CTNNA2: variants seen among roughly 807,000 people sequenced by gnomAD.
CTNNA2 encodes catenin alpha-2.
Under a neutral mutation model 101.0 loss-of-function variants are expected in CTNNA2, and 42 were observed. That is an observed-to-expected ratio of 0.42 (90% CI 0.32 to 0.54). CTNNA2 has a LOEUF of 0.54. Among genes scored for constraint, CTNNA2 ranks in the 20% least tolerant of loss-of-function variants. CTNNA2 has a pLI of 0.14. For missense variants in CTNNA2, 871 were observed against 1,223.1 expected (o/e 0.71, Z 4.29); for synonymous variants, 450 against 456.4 (o/e 0.99, Z 0.18).
rs1389024981 is a variant in CTNNA2, at chr2:79,894,061, T to TC, written c.853-15532dup. Among the ~76,000 whole-genome samples the TC allele has an allele frequency of 7.5e-3, 522 of 69,486 alleles. 2 individuals carry two copies. The highest frequency in any genetic ancestry group is 0.025 in the African/African-American group (471 of 18,904). 45.6% of individuals were successfully genotyped at this position (69,486 alleles called of 152,430 possible). On this transcript the variant is annotated intron_variant, in intron 6 of 18. Coordinates refer to ENST00000402739, the MANE Select transcript of CTNNA2 (RefSeq NM_001282597.3). ...TTCTTCTTCTTCTTCTTCTTCTTCT[T>TC]CTTCCTCCTCCTCCTCCTCCTTCTT...
chr2:80,273,727 A>G (rs182302294), intron 7 of CTNNA2, among the ~76,000 whole-genome samples: 71 of 152,032 alleles, frequency 4.7e-4, no homozygotes, highest in Non-Finnish European at 1.9e-4. Context: ...CTCTGCTTGC[A>G]ATAGGTATCT....
chr2:80,414,505 G>A (rs1215647528), intron 8 of CTNNA2, among the ~76,000 whole-genome samples: 1 of 152,086 alleles, frequency 6.6e-6, no homozygotes, highest in East Asian at 1.9e-4. Context: ...TCTGTGTTCA[G>A]AGAATTCCTC....
In CTNNA2 at chr2:80,555,772, A is replaced by C. The variant is rs1479392410; in HGVS notation, c.1620A>C (p.Ala540=). Reference sequence around the variant, plus strand: ...ATGTGGACACTCTGGACCGGACTGCAGGGGCCATCAGGGGCCGGGCAGCTC... The same window carrying C: ...ATGTGGACACTCTGGACCGGACTGCCGGGGCCATCAGGGGCCGGGCAGCTC... The part of the protein sequence containing the change: ...EGDVDTLDRT[A]GAIRGRAARV... The change falls in exon 12 of 19, where the codon GCA becomes GCC. Residue 540 remains alanine (A), a synonymous_variant. Coordinates refer to ENST00000402739, the MANE Select transcript of CTNNA2 (RefSeq NM_001282597.3). 1.9e-6 allele frequency: 3 copies of C among 1,599,726 alleles called. No individual in the cohort carries two copies. The highest frequency in any genetic ancestry group is 2.3e-5 in the South Asian group (2 of 87,022).
chr2:80,433,330 G>T (rs1033964762), intron 9 of CTNNA2, among the ~76,000 whole-genome samples: 3 of 151,966 alleles, frequency 2.0e-5, no homozygotes, highest in Admixed American at 6.5e-5. Context: ...TGGGAACCCC[G>T]CCATCTCAGT....
chr2:80,591,264 A>C (rs1696464352), intron 15 of CTNNA2, among the ~76,000 whole-genome samples: 1 of 152,052 alleles, frequency 6.6e-6, no homozygotes, highest in Non-Finnish European at 1.5e-5. Context: ...CATTATGCTG[A>C]TTTAAATAAT....
At chr2:80,569,200 C>T (rs897157320) in intron 12 of CTNNA2, among the ~76,000 whole-genome samples, 1 of 151,054 alleles carries the variant, frequency 6.6e-6, no homozygotes, top group Non-Finnish European at 1.5e-5. Flanking sequence ...AACTTTCTCA[C>T]CTCTGGTTTA....
At chr2:79,267,723 G>A (rs1675004446) in intron 2 of CTNNA2, among the ~76,000 whole-genome samples, 1 of 152,120 alleles carries the variant, frequency 6.6e-6, no homozygotes, top group African/African-American at 2.4e-5. Context: ...TGAGGATGCT[G>A]AACTGGTGGT....
chr2:79,821,132 G>T (rs1404468850), intron 3 of CTNNA2, among the ~76,000 whole-genome samples: 2 of 152,088 alleles, frequency 1.3e-5, no homozygotes, highest in African/African-American at 2.4e-5. Context: ...ACAAATTTAG[G>T]ATAAACCATT....
chr2:80,010,067 A>C (rs972459125), intron 7 of CTNNA2, among the ~76,000 whole-genome samples: 22 of 152,142 alleles, frequency 1.4e-4, no homozygotes, highest in Admixed American at 9.8e-4. Context: ...ATATAAATAA[A>C]TGTTCTTTGC....
rs141878614 is a variant in CTNNA2, at chr2:80,171,839, T to C, written c.1057-221372T>C. Among the ~76,000 whole-genome samples the C allele has an allele frequency of 4.2e-3, 643 of 152,158 alleles. 2 individuals are homozygous for C. The highest frequency in any genetic ancestry group is 0.015 in the African/African-American group (606 of 41,514). Reference sequence around the variant, plus strand: ...TAGGAGGCCATATGCCCTGGTAAAATTCATAAAAGGAAGAAAGAAAAGTAA... The same window carrying C: ...TAGGAGGCCATATGCCCTGGTAAAACTCATAAAAGGAAGAAAGAAAAGTAA... On this transcript the variant is annotated intron_variant, in intron 7 of 18. Coordinates refer to ENST00000402739, the MANE Select transcript of CTNNA2 (RefSeq NM_001282597.3).
chr2:80,057,045 T>A (rs919753548), intron 7 of CTNNA2, among the ~76,000 whole-genome samples: 5 of 152,068 alleles, frequency 3.3e-5, no homozygotes, highest in African/African-American at 9.7e-5. Context: ...ATTTAAAAAA[T>A]TAATTCATTC....
chr2:79,211,219 C>G (rs1196426419), intron 2 of CTNNA2, among the ~76,000 whole-genome samples: 1 of 152,166 alleles, frequency 6.6e-6, no homozygotes, highest in Non-Finnish European at 1.5e-5. Context: ...CCATTTATTT[C>G]CCCACCTGTA....
chr2:80,559,171 C>G (rs1407303193), intron 12 of CTNNA2, among the ~76,000 whole-genome samples: 1 of 152,070 alleles, frequency 6.6e-6, no homozygotes, highest in Non-Finnish European at 1.5e-5. Flanking sequence ...AAAGAAATAA[C>G]CCAAAATAGG....
chr2:79,876,209 A>G (rs1006271877), intron 6 of CTNNA2, among the ~76,000 whole-genome samples: 2 of 152,100 alleles, frequency 1.3e-5, no homozygotes, highest in South Asian at 2.1e-4. Flanking sequence ...GGAGTGATAA[A>G]GGATTTTTGT....
chr2:80,612,420 GCATACAAA>G (rs747966165), intron 17 of CTNNA2, among the ~76,000 whole-genome samples: 3 of 151,496 alleles, frequency 2.0e-5, no homozygotes, highest in Admixed American at 6.6e-5. Context: ...ATGCATATGT[GCATACAAA>G]CATACAAACA....
intron 9 of CTNNA2, among the ~76,000 whole-genome samples, chr2:80,484,441 T>C (rs562864424): frequency 1.3e-5 from 2 of 152,264 alleles, no homozygotes; most frequent in East Asian, 1.9e-4. Flanking sequence ...ATAGTAATAA[T>C]ACTTGGCTCA....
intron 18 of CTNNA2, among the ~76,000 whole-genome samples, chr2:80,623,227 T>G (rs1671325326): frequency 6.6e-6 from 1 of 151,954 alleles, no homozygotes; most frequent in Non-Finnish European, 1.5e-5. Context: ...TAATATGGGA[T>G]ATTCCCTGTT....
intron 7 of CTNNA2, among the ~76,000 whole-genome samples, chr2:80,143,706 C>G (rs1322341641): frequency 6.6e-6 from 1 of 152,084 alleles, no homozygotes; most frequent in Non-Finnish European, 1.5e-5. Flanking sequence ...TCAAAAACAT[C>G]AAAGCTAAAG....
intron 9 of CTNNA2, among the ~76,000 whole-genome samples, chr2:80,431,516 A>C (rs1209683299): frequency 2.0e-5 from 3 of 152,158 alleles, no homozygotes; most frequent in Non-Finnish European, 2.9e-5. Context: ...TCTAGGGTGC[A>C]TTTGTGGTTG....
Sources: allele counts gnomAD v4.1 joint callset (sites outside exome capture counted in the v4.1 genomes callset), GRCh38; gene constraint gnomAD v4.1.1; transcripts MANE v1.5; gene names NCBI Gene and HGNC (gene_info 2026-07-23, HGNC 2026-07-21).